Variants in ANKRD36 observed in about 807,000 individuals in gnomAD.
The protein encoded by ANKRD36 is ankyrin repeat domain 36, also known as ankyrin repeat domain-containing protein 36A.
ANKRD36 carries 179 observed loss-of-function variants against 278.1 expected under a neutral mutation model. The ratio of observed to expected loss-of-function variants is 0.64; its 90% confidence interval spans 0.57 to 0.73. The LOEUF (loss-of-function observed/expected upper bound fraction) is 0.73. Ranked by LOEUF, ANKRD36 falls within the 30% of genes least tolerant of loss-of-function variation. The probability of loss-of-function intolerance (pLI) is 0.00; values close to 1 mark genes in which losing one functional copy is unlikely to be tolerated. For synonymous variants in ANKRD36, 320 were observed against 641.1 expected (o/e 0.50, Z 7.57); for missense variants, 1,159 against 1,956.7 (o/e 0.59, Z 7.69).
intron 48 of ANKRD36, 29 bp downstream of exon 48, chr2:97,202,422 G>A: frequency 1.3e-6 from 2 of 1,543,632 alleles, no homozygotes; most frequent in South Asian, 2.4e-5. Flanking sequence ...TTAATGTCAT[G>A]TTCAGTCCAG....
intron 48 of ANKRD36, 76 bp from the exon 49 acceptor site, chr2:97,203,992 G>T: frequency 6.5e-7 from 1 of 1,531,022 alleles, no homozygotes; most frequent in Non-Finnish European, 8.8e-7. Context: ...AGAGGCTGAT[G>T]CTAACACTGC....
chr2:97,130,578 C>T (rs1176665828), intron 6 of ANKRD36, among the ~76,000 whole-genome samples: 1 of 150,956 alleles, frequency 6.6e-6, no homozygotes, highest in African/African-American at 2.4e-5. Flanking sequence ...CACATGTACC[C>T]TAAAAGTATG....
At chr2:97,188,268 A>T (rs2057844964) in intron 32 of ANKRD36, among the ~76,000 whole-genome samples, 1 of 151,712 alleles carries the variant, frequency 6.6e-6, no homozygotes, top group Non-Finnish European at 1.5e-5. Context: ...GTTGAATTCT[A>T]ATTAACTCCT....
In ANKRD36 at chr2:97,194,842, C is replaced by G; in HGVS notation, c.2479-3C>G. 6.3e-7 allele frequency: 1 copy of G among 1,593,044 alleles called. No homozygotes were observed. The highest frequency in any genetic ancestry group is 1.8e-5 in the Admixed American group (1 of 56,992). ...TTATTATTTTGTTTCAAATTCCACT[C>G]AGGCTACAAGTGATGAGAAGGATTC... On this transcript the variant is annotated splice_polypyrimidine_tract_variant and splice_region_variant and intron_variant, in intron 39 of 75. Transcript: ENST00000420699.
At chr2:97,197,036 T>A (rs2059964767) in intron 42 of ANKRD36, among the ~76,000 whole-genome samples, 1 of 151,910 alleles carries the variant, frequency 6.6e-6, no homozygotes, top group African/African-American at 2.4e-5. Context: ...GTTGAAGACA[T>A]AAGGGTCTCT....
At chr2:97,241,047 A>G (rs2074299442) in intron 68 of ANKRD36, among the ~76,000 whole-genome samples, 1 of 36,162 alleles carries the variant, frequency 2.8e-5, no homozygotes, top group Non-Finnish European at 4.9e-5. Flanking sequence ...TATAACTGTC[A>G]CCTTTTTATC....
At chr2:97,222,180 A>G (rs2067940588) in intron 66 of ANKRD36, among the ~76,000 whole-genome samples, 1 of 151,892 alleles carries the variant, frequency 6.6e-6, no homozygotes, top group Non-Finnish European at 1.5e-5. Flanking sequence ...TGGTTACTGT[A>G]GCCTTGTAGT....
intron 48 of ANKRD36, among the ~76,000 whole-genome samples, chr2:97,203,082 T>A (rs1301559858): frequency 6.6e-6 from 1 of 151,830 alleles, no homozygotes; most frequent in Non-Finnish European, 1.5e-5. Context: ...GATACATGTT[T>A]TGTTGATTTT....
intron 66 of ANKRD36, among the ~76,000 whole-genome samples, chr2:97,224,458 T>G (rs1035187483): frequency 2.6e-5 from 4 of 151,520 alleles, no homozygotes; most frequent in Non-Finnish European, 5.9e-5. Context: ...TTTTGTTTTT[T>G]TTTTTTTGAG....
intron 40 of ANKRD36, among the ~76,000 whole-genome samples, chr2:97,195,228 G>A (rs1351667714): frequency 1.3e-5 from 2 of 151,950 alleles, no homozygotes; most frequent in African/African-American, 2.4e-5. Flanking sequence ...AAGGGTGTAC[G>A]GAGAAGGAGA....
intron 46 of ANKRD36, among the ~76,000 whole-genome samples, 174 bp from the exon 47 acceptor site, chr2:97,202,028 C>T (rs548327672): frequency 3.3e-5 from 5 of 151,990 alleles, no homozygotes; most frequent in South Asian, 2.1e-4. Context: ...AGCCTGTATT[C>T]GCTTTTCTCA....
chr2:97,113,490 T>A lies in ANKRD36; in HGVS notation c.-250T>A, dbSNP rs1402402662. The A allele has an allele frequency of 1.9e-6, 1 of 536,868 alleles. No individual in the cohort carries two copies. The highest frequency in any genetic ancestry group is 2.4e-5 in the South Asian group (1 of 41,056). 33.3% of individuals were successfully genotyped at this position (536,868 alleles called of 1,614,324 possible). A position where few individuals can be genotyped will look rare whatever the true frequency, so the allele number is the denominator to read the frequency against. ...CGGCACCTCCGCAGCAACCGCCGCC[T>A]GCACTGGGCGCGCGAGAGCTGCTAG... On this transcript the variant is annotated 5_prime_UTR_variant, in exon 1 of 76. Transcript: ENST00000420699.
At chr2:97,228,731 G>A in intron 67 of ANKRD36, among the ~76,000 whole-genome samples, 1 of 151,072 alleles carries the variant, frequency 6.6e-6, no homozygotes. Flanking sequence ...GTGATGTTAG[G>A]GTGTCAATTT....
chr2:97,116,804 A>G (rs2035510349), intron 1 of ANKRD36, among the ~76,000 whole-genome samples: 1 of 152,110 alleles, frequency 6.6e-6, no homozygotes, highest in Non-Finnish European at 1.5e-5. Context: ...GATTATCACT[A>G]TTCCAAAAGC....
chr2:97,141,655 A>G (rs1461672311), intron 6 of ANKRD36, among the ~76,000 whole-genome samples: 1 of 139,320 alleles, frequency 7.2e-6, no homozygotes, highest in Non-Finnish European at 1.5e-5. Flanking sequence ...TTTTGTTGAT[A>G]TTAGTTATTC....
At chr2:97,176,398 T>C (rs1383811594) in intron 22 of ANKRD36, among the ~76,000 whole-genome samples, 4 of 147,460 alleles carry the variant, frequency 2.7e-5, no homozygotes, top group Non-Finnish European at 6.1e-5. Context: ...TTGTCTCTTT[T>C]GATCTTTGTT....
At chr2:97,124,704 G>C (rs1457402549) in intron 5 of ANKRD36, 107 bp downstream of exon 5, 2 of 1,301,640 alleles carry the variant, frequency 1.5e-6, no homozygotes, top group South Asian at 1.6e-5. Context: ...GGTTCAAGTA[G>C]TTTTCAAGTG....
chr2:97,202,330 G>A lies in ANKRD36; in HGVS notation c.2896G>A (p.Asp966Asn). The A allele has an allele frequency of 6.4e-7, 1 of 1,571,524 alleles. No homozygotes were observed. Among genetic ancestry groups the A allele is most frequent in the Admixed American group, 1.9e-5 (1 of 53,178 alleles). Residue 966 changes from aspartate to asparagine, a missense_variant, in exon 48 of 76, where the codon GAC becomes AAC. Transcript: ENST00000420699. ...TTTAAATTCCATTCAGGGTACAAGT[G>A]ACGAGGAAGATTCTGTTTTGGGTAT... ...QKPPALKGTS[D>N]EEDSVLGIAR...
chr2:97,132,102 C>G (rs186749477), intron 6 of ANKRD36, among the ~76,000 whole-genome samples: 1,860 of 151,798 alleles, frequency 0.012, 21 homozygotes, highest in Non-Finnish European at 0.021. Context: ...GTTTGGATTA[C>G]AGGTGTGAGC....
Sources: gnomAD v4.1 joint callset for allele counts (sites outside exome capture counted in the v4.1 genomes callset) on GRCh38, gnomAD v4.1.1 for gene constraint, MANE v1.5 for transcripts, NCBI Gene and HGNC (gene_info 2026-07-23, HGNC 2026-07-21) for gene names.